Variants in ADAMTS17 observed in about 807,000 individuals in gnomAD.
The protein encoded by ADAMTS17 is A disintegrin and metalloproteinase with thrombospondin motifs 17.
ADAMTS17 carries 113 observed loss-of-function variants against 141.5 expected under a neutral mutation model. That is an observed-to-expected ratio of 0.80 (90% confidence interval 0.69 to 0.93). ADAMTS17 has a LOEUF of 0.93. Among genes scored for constraint, ADAMTS17 ranks in the 40% least tolerant of loss-of-function variants. The probability of loss-of-function intolerance (pLI) is 0.00; values close to 1 mark genes in which losing one functional copy is unlikely to be tolerated. For synonymous variants in ADAMTS17, 768 were observed against 630.6 expected (o/e 1.22, Z -3.27); for missense variants, 1,659 against 1,517.9 (o/e 1.09, Z -1.54).
intron 7 of ADAMTS17, among the ~76,000 whole-genome samples, chr15:100,203,102 C>G (rs907878793): frequency 2.6e-5 from 4 of 152,202 alleles, no homozygotes; most frequent in African/African-American, 9.6e-5. Flanking sequence ...GAACACTCGA[C>G]CCTCCCTTGC....
intron 17 of ADAMTS17, 144 bp downstream of exon 17, chr15:100,051,426 CAG>C (rs2032134510): frequency 2.5e-6 from 3 of 1,209,268 alleles, no homozygotes; most frequent in South Asian, 2.5e-5. Flanking sequence ...AAGTATTCTG[CAG>C]AGAGATTTTC....
chr15:100,321,177 A>G (rs1363896437), intron 3 of ADAMTS17, among the ~76,000 whole-genome samples: 3 of 152,230 alleles, frequency 2.0e-5, no homozygotes, highest in Non-Finnish European at 4.4e-5. Context: ...TATATTTTTA[A>G]GGCAACAACA....
At chr15:100,173,731 G>T (rs1378706603) in intron 8 of ADAMTS17, among the ~76,000 whole-genome samples, 1 of 152,204 alleles carries the variant, frequency 6.6e-6, no homozygotes. Flanking sequence ...ACTGCTGGCT[G>T]CATGTGAGCA....
chr15:100,287,418 C>G (rs1286295005), intron 3 of ADAMTS17, among the ~76,000 whole-genome samples: 9 of 152,206 alleles, frequency 5.9e-5, no homozygotes, highest in African/African-American at 2.2e-4. Flanking sequence ...CCGTTGGCAT[C>G]CTTGAAAGAG....
intron 18 of ADAMTS17, among the ~76,000 whole-genome samples, chr15:100,003,979 C>G (rs554851419): frequency 1.3e-5 from 2 of 152,348 alleles, no homozygotes; most frequent in East Asian, 1.9e-4. Context: ...CTTACTGCCA[C>G]TGAACTGTAC....
chr15:99,991,972 T>C (rs1452195258), intron 20 of ADAMTS17, among the ~76,000 whole-genome samples: 4 of 151,202 alleles, frequency 2.6e-5, no homozygotes, highest in Non-Finnish European at 5.9e-5. Context: ...AGGTGAGCAA[T>C]GAGAACATAT....
chr15:100,147,472 C>A (rs142592325), intron 10 of ADAMTS17, among the ~76,000 whole-genome samples: 3 of 152,170 alleles, frequency 2.0e-5, no homozygotes, highest in East Asian at 1.9e-4. Flanking sequence ...ACCTGTATAG[C>A]GTGGTACTGT....
At chr15:100,013,564 G>T (rs2061228378) in intron 18 of ADAMTS17, among the ~76,000 whole-genome samples, 1 of 152,140 alleles carries the variant, frequency 6.6e-6, no homozygotes, top group South Asian at 2.1e-4. Context: ...TCCCTCGCAT[G>T]CCGGTTTTGC....
intron 8 of ADAMTS17, among the ~76,000 whole-genome samples, chr15:100,163,978 G>A (rs2039845177): frequency 6.6e-6 from 1 of 152,224 alleles, no homozygotes; most frequent in Non-Finnish European, 1.5e-5. Flanking sequence ...AAGGCTGTAA[G>A]AGTAGAGTGA....
chr15:100,330,438 G>A (rs1261184923), intron 3 of ADAMTS17, among the ~76,000 whole-genome samples: 3 of 152,212 alleles, frequency 2.0e-5, no homozygotes, highest in Non-Finnish European at 4.4e-5. Flanking sequence ...TGATGCTGAT[G>A]CTGCTGGCCC....
intron 20 of ADAMTS17, among the ~76,000 whole-genome samples, chr15:99,976,979 G>A (rs532126407): frequency 6.6e-6 from 1 of 152,116 alleles, no homozygotes; most frequent in Admixed American, 6.5e-5. Flanking sequence ...AGGAAGGACC[G>A]GGCCTGATGA....
chr15:100,286,439 A>T (rs541232151), intron 3 of ADAMTS17, among the ~76,000 whole-genome samples: 6 of 152,308 alleles, frequency 3.9e-5, no homozygotes, highest in African/African-American at 1.4e-4. Context: ...TGTTGGGGCC[A>T]GCAGACCGGG....
At chr15:100,329,711 C>G (rs1271049780) in intron 3 of ADAMTS17, among the ~76,000 whole-genome samples, 1 of 152,150 alleles carries the variant, frequency 6.6e-6, no homozygotes, top group Admixed American at 6.5e-5. Flanking sequence ...TCAAAGCTCT[C>G]TTGAGGTTTC....
intron 15 of ADAMTS17, among the ~76,000 whole-genome samples, chr15:100,078,279 C>A (rs556184393): frequency 5.3e-5 from 8 of 151,598 alleles, no homozygotes; most frequent in East Asian, 1.9e-4. Context: ...TGCAACAGAC[C>A]CAGAATAGCC....
At chr15:100,272,668 A>G (rs72633234) in intron 4 of ADAMTS17, among the ~76,000 whole-genome samples, 25,249 of 106,808 alleles carry the variant, frequency 0.24, 2,624 homozygotes, top group East Asian at 0.48. Context: ...TTCTTTTCTT[A>G]TTTGGAGGCC....
At chr15:99,998,794 T>C (rs1181858038) in intron 18 of ADAMTS17, among the ~76,000 whole-genome samples, 1 of 152,162 alleles carries the variant, frequency 6.6e-6, no homozygotes, top group African/African-American at 2.4e-5. Flanking sequence ...CCCTGCTTGC[T>C]TTCTGGATGA....
intron 7 of ADAMTS17, among the ~76,000 whole-genome samples, chr15:100,225,291 G>A (rs1198975761): frequency 6.6e-6 from 1 of 152,218 alleles, no homozygotes; most frequent in African/African-American, 2.4e-5. Context: ...CCTCTGTCAT[G>A]TCAAAAATGT....
chr15:100,172,948 T>G (rs1221864861), intron 8 of ADAMTS17, among the ~76,000 whole-genome samples: 1 of 152,216 alleles, frequency 6.6e-6, no homozygotes, highest in Admixed American at 6.5e-5. Context: ...TATCAAAGTT[T>G]GAGAGCCATT....
chr15:100,328,178 T>C (rs57897866), intron 3 of ADAMTS17, among the ~76,000 whole-genome samples: 13,843 of 152,220 alleles, frequency 0.091, 714 homozygotes, highest in Non-Finnish European at 0.11. Context: ...GATTAATCTT[T>C]CTAGGAAAGA....
Sources: gnomAD v4.1 joint callset for allele counts (sites outside exome capture counted in the v4.1 genomes callset) on GRCh38, gnomAD v4.1.1 for gene constraint, MANE v1.5 for transcripts, NCBI Gene and HGNC (gene_info 2026-07-23, HGNC 2026-07-21) for gene names.